CSE1L: variants seen among roughly 807,000 people sequenced by gnomAD.
The protein encoded by CSE1L is exportin-2.
Under a neutral mutation model 120.4 loss-of-function variants are expected in CSE1L, and 24 were observed. That is an observed-to-expected ratio of 0.20 (90% CI 0.14 to 0.28). The LOEUF is 0.28. Ranked by LOEUF, CSE1L falls within the 10% of genes least tolerant of loss-of-function variation. The probability of loss-of-function intolerance (pLI) is 1.00; values close to 1 mark genes in which losing one functional copy is unlikely to be tolerated. For synonymous variants in CSE1L, 402 were observed against 398.3 expected, an observed-to-expected ratio of 1.01 and a Z score of -0.11; for missense variants, 830 against 1,145.2, an observed-to-expected ratio of 0.72 and a Z score of 3.97.
At chr20:49,091,734 A>G (rs893375984) in intron 21 of CSE1L, among the ~76,000 whole-genome samples, 2 of 152,150 alleles carry the variant, frequency 1.3e-5, no homozygotes, top group Non-Finnish European at 2.9e-5. Context: ...AAAAAAGAAA[A>G]TATTTTAAGA....
intron 1 of CSE1L, among the ~76,000 whole-genome samples, chr20:49,049,485 T>C (rs1660657038): frequency 6.6e-6 from 1 of 152,098 alleles, no homozygotes; most frequent in African/African-American, 2.4e-5. Flanking sequence ...TTGGCCAAAA[T>C]GAATGTTTTG....
intron 10 of CSE1L, 74 bp from the exon 11 acceptor site, chr20:49,074,711 T>A: frequency 8.0e-7 from 1 of 1,256,210 alleles, no homozygotes; most frequent in Non-Finnish European, 1.1e-6. Flanking sequence ...TTTTACATAC[T>A]CTTCTGCATT....
rs59986218 is a variant in CSE1L, at chr20:49,047,564, C to CTTTTTTTTTTTTT, written c.-12+1157_-12+1169dup. Among the ~76,000 whole-genome samples the CTTTTTTTTTTTTT allele has an allele frequency of 2.4e-3, 166 of 69,874 alleles. 20 individuals carry two copies. Among genetic ancestry groups the CTTTTTTTTTTTTT allele is most frequent in the African/African-American group, 6.2e-3 (81 of 12,988 alleles). 45.8% of individuals were successfully genotyped at this position (69,874 alleles called of 152,430 possible). A position where few individuals can be genotyped will look rare whatever the true frequency, so the allele number is the denominator to read the frequency against. On this transcript the variant is annotated intron_variant, in intron 1 of 24. Transcript: ENST00000262982. The stretch of plus-strand genomic sequence containing the variant: ...TCTTTTTCTTTTTCTTTTCTCTTTT[C>CTTTTTTTTTTTTT]TTTTTTTTTTTTTTTTTTTTTTTTT...
chr20:49,064,018 G>T (rs1481624322), intron 3 of CSE1L, among the ~76,000 whole-genome samples: 1 of 152,134 alleles, frequency 6.6e-6, no homozygotes, highest in Non-Finnish European at 1.5e-5. Flanking sequence ...TTCTCAACTG[G>T]GGGCAGTTTG....
rs1025125658 is a variant in CSE1L, at chr20:49,096,937, A to C, written c.*499A>C. On this transcript the variant is annotated 3_prime_UTR_variant, in exon 25 of 25. Coordinates refer to ENST00000262982, the MANE Select transcript of CSE1L (RefSeq NM_001316.4). ...CTGTAATCAGCAATAAAAATCCTAA[A>C]ATATGTACCTAAGAACATCTTAAGG... 6.5e-6 allele frequency: 1 copy of C among 154,056 alleles called. No homozygotes were observed. Among genetic ancestry groups the C allele is most frequent in the Non-Finnish European group, 1.4e-5 (1 of 69,044 alleles). The allele number at this position is 154,056 out of a possible 1,614,324, so 9.5% of individuals were successfully genotyped here. A position where few individuals can be genotyped will look rare whatever the true frequency, so the allele number is the denominator to read the frequency against.
chr20:49,066,135 C>G, intron 3 of CSE1L, 57 bp from the exon 4 acceptor site: 1 of 1,376,082 alleles, frequency 7.3e-7, no homozygotes, highest in Non-Finnish European at 1.0e-6. Context: ...TACCTAAAAT[C>G]ATGTGGACAT....
chr20:49,065,586 A>ATTTTTT lies in CSE1L; in HGVS notation c.229-585_229-580dup, dbSNP rs1169151375. On this transcript the variant is annotated intron_variant, in intron 3 of 24. Coordinates refer to ENST00000262982, the MANE Select transcript of CSE1L (RefSeq NM_001316.4). ...CCATCGCACCTGGCCTAAAATGGAA[A>ATTTTTT]TTTTTTTTTTTTTTTTTTTTTTTTT... 3.5e-3 allele frequency among the ~76,000 whole-genome samples: 269 copies of ATTTTTT among 76,346 alleles called. 24 individuals carry two copies. Among genetic ancestry groups the ATTTTTT allele is most frequent in the Admixed American group, 4.5e-3 (25 of 5,582 alleles). The allele number at this position is 76,346 out of a possible 152,430, so 50.1% of individuals were successfully genotyped here.
At chr20:49,053,147 C>CTTTTTTT (rs71184250) in intron 1 of CSE1L, among the ~76,000 whole-genome samples, 1 of 122,714 alleles carries the variant, frequency 8.1e-6, no homozygotes, top group Non-Finnish European at 1.7e-5. Flanking sequence ...CCCTGTCTCT[C>CTTTTTTT]TTTTTTTTTT....
At position 49,077,005 on chromosome 20, in the gene CSE1L, T is replaced by TTGTAAA; in HGVS notation, c.1362_1367dup (p.Val455_Asn456dup). ...CATGGAATTACACAAGCAAATGAAC[T>TTGTAAA]TGTAAACCTAACTGAGTTCTTTGTG... On this transcript the variant is annotated inframe_insertion, in exon 13 of 25. Transcript: ENST00000262982. 6.2e-7 allele frequency: 1 copy of TTGTAAA among 1,606,730 alleles called. No homozygotes were observed. The highest frequency in any genetic ancestry group is 8.5e-7 in the Non-Finnish European group (1 of 1,177,598).
At chr20:49,075,923 C>A (rs1192353422) in intron 12 of CSE1L, among the ~76,000 whole-genome samples, 1 of 152,046 alleles carries the variant, frequency 6.6e-6, no homozygotes, top group Non-Finnish European at 1.5e-5. Flanking sequence ...CCTCCACCTC[C>A]CGAGTTCGAG....
At chr20:49,062,826 G>T (rs1474331310) in intron 2 of CSE1L, among the ~76,000 whole-genome samples, 1 of 151,734 alleles carries the variant, frequency 6.6e-6, no homozygotes, top group Admixed American at 6.6e-5. Flanking sequence ...GCCTATAAAA[G>T]AAATATTACT....
At chr20:49,093,538 C>G (rs1426944191) in intron 22 of CSE1L, among the ~76,000 whole-genome samples, 1 of 147,442 alleles carries the variant, frequency 6.8e-6, no homozygotes, top group East Asian at 2.0e-4. Context: ...TGGGATGATT[C>G]CTTTTTTCCC....
chr20:49,083,182 G>C (rs568656296), intron 14 of CSE1L, among the ~76,000 whole-genome samples: 1 of 151,848 alleles, frequency 6.6e-6, no homozygotes, highest in Non-Finnish European at 1.5e-5. Flanking sequence ...ATGCCACCAC[G>C]TCTGGCTAAT....
intron 22 of CSE1L, 109 bp downstream of exon 22, chr20:49,092,236 A>C (rs2092107050): frequency 1.6e-6 from 1 of 615,706 alleles, no homozygotes; most frequent in Non-Finnish European, 2.8e-6. Flanking sequence ...TGGTATGGAG[A>C]TAGTGTCTAT....
At chr20:49,096,056 A>T (rs550718295) in intron 24 of CSE1L, 8 of 527,748 alleles carry the variant, frequency 1.5e-5, no homozygotes, top group Admixed American at 2.9e-5. Flanking sequence ...AGTCTTAGAC[A>T]TCATACGTTT....
At chr20:49,095,302 G>A (rs1484214076) in intron 24 of CSE1L, 1 of 230,530 alleles carries the variant, frequency 4.3e-6, no homozygotes, top group East Asian at 1.2e-4. Flanking sequence ...TTATTAAAAT[G>A]TGGTAGCATT....
At position 49,059,890 on chromosome 20, in the gene CSE1L, AT is replaced by A. The variant is rs1422489457; in HGVS notation, c.85+1343del. Among the ~76,000 whole-genome samples the A allele has an allele frequency of 2.0e-5, 3 of 151,890 alleles. 1 individual carries two copies. The highest frequency in any genetic ancestry group is 4.2e-4 in the South Asian group (2 of 4,816). On this transcript the variant is annotated intron_variant, in intron 2 of 24. Transcript: ENST00000262982. The stretch of plus-strand genomic sequence containing the variant: ...GCGAGACGTAGTCCCAAAAAAAAAA[AT>A]ATTTTGAAACACAGCCAGGGTTGGT...
rs2092073582 is a variant in CSE1L at position 49,088,063 on chromosome 20, C to T, written c.1778C>T (p.Thr593Ile). Residue 593 changes from threonine to isoleucine, a missense_variant, in exon 17 of 25, where the codon ACT becomes ATT. Coordinates refer to ENST00000262982, the MANE Select transcript of CSE1L (RefSeq NM_001316.4). ...GAAGCCATAATCCCCTACATCCCTA[C>T]TCTCATCACTCAGCTTACACAGAAG... ...LQEAIIPYIPTLITQLTQKLL... is the reference protein window; with the variant it reads ...LQEAIIPYIPILITQLTQKLL... The T allele has an allele frequency of 6.2e-7, 1 of 1,612,566 alleles. No homozygotes were observed. Among genetic ancestry groups the T allele is most frequent in the South Asian group, 1.1e-5 (1 of 90,890 alleles).
At chr20:49,087,949 C>CGGGGG in intron 16 of CSE1L, 60 bp from the exon 17 acceptor site, 1 of 1,171,400 alleles carries the variant, frequency 8.5e-7, no homozygotes, top group Non-Finnish European at 1.2e-6. Flanking sequence ...CCCCCAGTCG[C>CGGGGG]TCTCTTATTC....
Sources: gnomAD v4.1 joint callset for allele counts (sites outside exome capture counted in the v4.1 genomes callset) on GRCh38, gnomAD v4.1.1 for gene constraint, MANE v1.5 for transcripts, NCBI Gene and HGNC (gene_info 2026-07-23, HGNC 2026-07-21) for gene names.